The following EXOC6B variants were observed in gnomAD, a reference collection of about 807,000 sequenced individuals.
EXOC6B encodes SEC15 homolog B.
EXOC6B carries 54 observed loss-of-function variants against 113.5 expected under a neutral mutation model. The ratio of observed to expected loss-of-function variants is 0.48; its 90% CI spans 0.38 to 0.60. The LOEUF (loss-of-function observed/expected upper bound fraction) is 0.60. EXOC6B is among the 20% of genes least tolerant of loss of function. EXOC6B has a pLI of 0.00. For synonymous variants in EXOC6B, 357 were observed against 339.0 expected, an observed-to-expected ratio of 1.05 and a Z score of -0.58; for missense variants, 797 against 977.5, an observed-to-expected ratio of 0.82 and a Z score of 2.46.
At chr2:72,699,491 A>G (rs191172336) in intron 6 of EXOC6B, among the ~76,000 whole-genome samples, 2,059 of 151,942 alleles carry the variant, frequency 0.014, 67 homozygotes, top group African/African-American at 0.047. Flanking sequence ...AAAAAAAAAA[A>G]AAAGAAAGAA....
intron 8 of EXOC6B, among the ~76,000 whole-genome samples, chr2:72,537,423 A>G (rs1270768103): frequency 4.0e-5 from 6 of 149,900 alleles, no homozygotes; most frequent in Non-Finnish European, 8.9e-5. Flanking sequence ...CCTGGGCAAG[A>G]TGGCAAAACC....
intron 20 of EXOC6B, among the ~76,000 whole-genome samples, chr2:72,329,181 C>G (rs1371322966): frequency 6.6e-6 from 1 of 152,118 alleles, no homozygotes; most frequent in Non-Finnish European, 1.5e-5. Context: ...TCTTCATCAA[C>G]TGCTCAGTAG....
At chr2:72,469,161 A>C (rs1698242860) in intron 17 of EXOC6B, among the ~76,000 whole-genome samples, 1 of 152,116 alleles carries the variant, frequency 6.6e-6, no homozygotes, top group South Asian at 2.1e-4. Context: ...GGTACTTAAA[A>C]ATGCATAATG....
At chr2:72,645,505 T>A (rs561232399) in intron 6 of EXOC6B, among the ~76,000 whole-genome samples, 1 of 152,240 alleles carries the variant, frequency 6.6e-6, no homozygotes, top group Admixed American at 6.5e-5. Flanking sequence ...CAGCACCACA[T>A]AGCATTTATT....
At chr2:72,305,761 C>CAA (rs5832079) in intron 20 of EXOC6B, among the ~76,000 whole-genome samples, 1 of 151,912 alleles carries the variant, frequency 6.6e-6, no homozygotes. Flanking sequence ...CTCTAATAAA[C>CAA]AAAAAATTTC....
intron 6 of EXOC6B, among the ~76,000 whole-genome samples, chr2:72,711,037 T>A (rs1436279846): frequency 6.6e-6 from 1 of 152,150 alleles, no homozygotes; most frequent in Non-Finnish European, 1.5e-5. Context: ...TGTTATTTAG[T>A]CCCACAAAGC....
intron 1 of EXOC6B, among the ~76,000 whole-genome samples, chr2:72,767,971 G>A (rs1314838716): frequency 1.3e-5 from 2 of 150,708 alleles, no homozygotes; most frequent in Non-Finnish European, 3.0e-5. Flanking sequence ...ATAAAAATTA[G>A]AGGAGAGTAA....
chr2:72,380,829 C>T (rs891868011), intron 18 of EXOC6B, among the ~76,000 whole-genome samples: 3 of 152,040 alleles, frequency 2.0e-5, no homozygotes, highest in Admixed American at 6.6e-5. Context: ...ATTCAAAGTA[C>T]TCTACATTTA....
chr2:72,691,686 T>C (rs918474589), intron 6 of EXOC6B, among the ~76,000 whole-genome samples: 3 of 151,108 alleles, frequency 2.0e-5, no homozygotes, highest in African/African-American at 4.9e-5. Flanking sequence ...TATCTATTTT[T>C]TTTTTTTTTT....
At chr2:72,556,600 T>C (rs1703556346) in intron 8 of EXOC6B, among the ~76,000 whole-genome samples, 1 of 152,192 alleles carries the variant, frequency 6.6e-6, no homozygotes, top group African/African-American at 2.4e-5. Context: ...TTTTTATTTT[T>C]ATGTTTTAGT....
At chr2:72,356,579 C>T (rs1689982875) in intron 19 of EXOC6B, among the ~76,000 whole-genome samples, 1 of 152,086 alleles carries the variant, frequency 6.6e-6, no homozygotes, top group African/African-American at 2.4e-5. Context: ...TAACATTACC[C>T]CAAAGTAAAC....
chr2:72,679,397 T>C (rs990314351), intron 6 of EXOC6B, among the ~76,000 whole-genome samples: 1 of 152,148 alleles, frequency 6.6e-6, no homozygotes, highest in Non-Finnish European at 1.5e-5. Flanking sequence ...AAGGGGTTAA[T>C]AGACCTCCTG....
chr2:72,636,927 C>CAA (rs35608424), intron 6 of EXOC6B, among the ~76,000 whole-genome samples: 3 of 140,724 alleles, frequency 2.1e-5, no homozygotes, highest in African/African-American at 5.2e-5. Context: ...AAGCAATCTA[C>CAA]AAAAAAAAAA....
intron 2 of EXOC6B, among the ~76,000 whole-genome samples, chr2:72,739,964 G>A (rs1246664966): frequency 1.3e-5 from 2 of 151,962 alleles, no homozygotes; most frequent in Non-Finnish European, 2.9e-5. Context: ...GGTAAATATT[G>A]TATATTACAT....
intron 20 of EXOC6B, among the ~76,000 whole-genome samples, chr2:72,243,330 C>T (rs1008542835): frequency 6.6e-6 from 1 of 152,180 alleles, no homozygotes; most frequent in Non-Finnish European, 1.5e-5. Context: ...ATAGCAAAGA[C>T]TTGGAACCAA....
intron 6 of EXOC6B, among the ~76,000 whole-genome samples, chr2:72,580,649 T>A (rs996944703): frequency 1.3e-5 from 2 of 152,166 alleles, no homozygotes; most frequent in Non-Finnish European, 2.9e-5. Flanking sequence ...AGCAACCAGT[T>A]CTGAACAGGC....
Position 72,224,994 on chromosome 2 carries a change from G to GTGTGTGTATATATATATATATATATA in EXOC6B, c.2197-40808_2197-40807insTATATATATATATATATATACACACA, listed in dbSNP as rs908047817. Among the ~76,000 whole-genome samples the GTGTGTGTATATATATATATATATATA allele has an allele frequency of 7.3e-3, 1,000 of 137,242 alleles. 6 individuals are homozygous for GTGTGTGTATATATATATATATATATA. Among genetic ancestry groups the GTGTGTGTATATATATATATATATATA allele is most frequent in the Middle Eastern group, 0.023 (6 of 266 alleles). The allele number at this position is 137,242 out of a possible 152,430, so 90.0% of individuals were successfully genotyped here. The stretch of plus-strand genomic sequence containing the variant: ...CATCTCTCTCTGTATGTGTGTGTGT[G>GTGTGTGTATATATATATATATATATA]TATATATATATAAATACACATACTT... On this transcript the variant is annotated intron_variant, in intron 20 of 21. Coordinates refer to ENST00000272427, the MANE Select transcript of EXOC6B (RefSeq NM_015189.3).
At chr2:72,713,951 C>T (rs1288286170) in intron 6 of EXOC6B, among the ~76,000 whole-genome samples, 1 of 152,028 alleles carries the variant, frequency 6.6e-6, no homozygotes, top group Non-Finnish European at 1.5e-5. Context: ...GACCTCTGGC[C>T]AATATAATAT....
intron 20 of EXOC6B, among the ~76,000 whole-genome samples, chr2:72,301,367 G>C (rs929481243): frequency 1.3e-5 from 2 of 152,164 alleles, no homozygotes; most frequent in African/African-American, 4.8e-5. Flanking sequence ...CCTCATAGAA[G>C]GAGTTGGGGA....
Sources: allele counts gnomAD v4.1 joint callset (sites outside exome capture counted in the v4.1 genomes callset), GRCh38; gene constraint gnomAD v4.1.1; transcripts MANE v1.5; gene names NCBI Gene and HGNC (gene_info 2026-07-23, HGNC 2026-07-21).